Variants in CAMKMT observed in about 807,000 individuals in gnomAD.
CAMKMT encodes calmodulin-lysine N-methyltransferase.
In CAMKMT, 53 loss-of-function variants were observed where a neutral mutation model predicts 48.0. That is an observed-to-expected ratio of 1.10 (90% CI 0.89 to 1.39). The LOEUF is 1.39. Among genes scored for constraint, CAMKMT ranks in the 40% most tolerant of loss-of-function variants. CAMKMT has a pLI of 0.00. For synonymous variants in CAMKMT, 165 were observed against 152.3 expected (o/e 1.08, Z -0.61); for missense variants, 428 against 402.7 (o/e 1.06, Z -0.54).
intron 3 of CAMKMT, among the ~76,000 whole-genome samples, chr2:44,638,206 CTG>C (rs915114216): frequency 1.3e-5 from 2 of 152,094 alleles, no homozygotes; most frequent in Admixed American, 6.5e-5. Flanking sequence ...AAGGGAGAAA[CTG>C]TATCTTTGGC....
chr2:44,589,222 C>A (rs1670105368), intron 3 of CAMKMT, among the ~76,000 whole-genome samples: 1 of 45,998 alleles, frequency 2.2e-5, no homozygotes, highest in African/African-American at 8.9e-5. Flanking sequence ...AAGTGAGGAG[C>A]CCCTCTGCCT....
At chr2:44,500,798 C>G (rs1049223466) in intron 3 of CAMKMT, among the ~76,000 whole-genome samples, 2 of 151,744 alleles carry the variant, frequency 1.3e-5, no homozygotes, top group African/African-American at 4.8e-5. Context: ...TCTCCTGCCT[C>G]AGCCTCCTGA....
chr2:44,745,282 A>T (rs1446290282), intron 8 of CAMKMT, among the ~76,000 whole-genome samples: 1 of 152,204 alleles, frequency 6.6e-6, no homozygotes, highest in Non-Finnish European at 1.5e-5. Flanking sequence ...ATATCAAAAC[A>T]GCCTGGCTTT....
intron 3 of CAMKMT, among the ~76,000 whole-genome samples, chr2:44,671,077 A>G (rs1675300175): frequency 6.6e-6 from 1 of 152,208 alleles, no homozygotes; most frequent in Non-Finnish European, 1.5e-5. Context: ...GGTAGCTTTT[A>G]GAATGGCCTA....
At chr2:44,569,517 G>A (rs1248221489) in intron 3 of CAMKMT, among the ~76,000 whole-genome samples, 1 of 152,004 alleles carries the variant, frequency 6.6e-6, no homozygotes, top group Non-Finnish European at 1.5e-5. Flanking sequence ...CTTCAGTAGT[G>A]CTGTGAAATC....
chr2:44,403,026 T>C (rs994746739), intron 3 of CAMKMT, among the ~76,000 whole-genome samples: 10 of 152,026 alleles, frequency 6.6e-5, no homozygotes, highest in African/African-American at 2.4e-4. Flanking sequence ...TTTCATTACA[T>C]TTCTGATGAT....
chr2:44,368,528 C>T (rs895786400), intron 1 of CAMKMT, among the ~76,000 whole-genome samples: 3 of 152,126 alleles, frequency 2.0e-5, no homozygotes, highest in Non-Finnish European at 4.4e-5. Context: ...ATGTAGATCA[C>T]GTTGTCATAC....
At chr2:44,442,386 G>A (rs981292112) in intron 3 of CAMKMT, among the ~76,000 whole-genome samples, 4 of 151,926 alleles carry the variant, frequency 2.6e-5, no homozygotes, top group South Asian at 2.1e-4. Flanking sequence ...ATACATGTTC[G>A]TATACATATT....
intron 6 of CAMKMT, among the ~76,000 whole-genome samples, chr2:44,709,594 T>C (rs1677761987): frequency 6.6e-6 from 1 of 152,186 alleles, no homozygotes; most frequent in Non-Finnish European, 1.5e-5. Flanking sequence ...TCATCTGTTT[T>C]ACTGACTGAG....
At chr2:44,459,430 G>A (rs1419500020) in intron 3 of CAMKMT, among the ~76,000 whole-genome samples, 2 of 152,090 alleles carry the variant, frequency 1.3e-5, no homozygotes, top group Non-Finnish European at 2.9e-5. Context: ...ACCATTAAAT[G>A]TAACATTTCC....
chr2:44,669,019 G>A (rs1008960782), intron 3 of CAMKMT, among the ~76,000 whole-genome samples: 1 of 152,124 alleles, frequency 6.6e-6, no homozygotes, highest in Non-Finnish European at 1.5e-5. Flanking sequence ...CAGAGCTCAG[G>A]CAATCCACCC....
intron 6 of CAMKMT, 79 bp from the exon 7 acceptor site, chr2:44,715,208 A>G (rs1678109946): frequency 3.2e-6 from 3 of 940,512 alleles, no homozygotes; most frequent in African/African-American, 1.7e-5. Context: ...AAAAAAAAAA[A>G]AAAAGATAAC....
chr2:44,539,750 T>C (rs946323517), intron 3 of CAMKMT, among the ~76,000 whole-genome samples: 1 of 152,170 alleles, frequency 6.6e-6, no homozygotes, highest in Non-Finnish European at 1.5e-5. Context: ...GTTTGTCTTC[T>C]GTTTTCTCAT....
chr2:44,491,764 C>T (rs183955246), intron 3 of CAMKMT, among the ~76,000 whole-genome samples: 2 of 152,074 alleles, frequency 1.3e-5, no homozygotes, highest in East Asian at 1.9e-4. Context: ...ACCTATTGCA[C>T]CCCCTTAACC....
intron 3 of CAMKMT, among the ~76,000 whole-genome samples, chr2:44,438,406 A>G (rs143867417): frequency 2.1e-4 from 32 of 152,352 alleles, no homozygotes; most frequent in African/African-American, 7.5e-4. Context: ...TTTCATGGTT[A>G]TATAAAAGCT....
At chr2:44,452,229 G>A (rs1303247137) in intron 3 of CAMKMT, among the ~76,000 whole-genome samples, 8 of 151,888 alleles carry the variant, frequency 5.3e-5, no homozygotes, top group African/African-American at 1.9e-4. Context: ...ATAAAATGTG[G>A]GTGTGTATTC....
At position 44,438,726 on chromosome 2, in the gene CAMKMT, C is replaced by T. The variant is rs375004902; in HGVS notation, c.376+48421C>T. 3.9e-5 allele frequency among the ~76,000 whole-genome samples: 6 copies of T among 152,224 alleles called. No individual in the cohort carries two copies. In the East Asian group the frequency reaches 1.2e-3, roughly 29 times the overall value. ...TGTTTTGTTTTTTTTGAGATGGAGTCTCACTCTGCAGTGCAGGTTGGAGTG... is the reference window on the plus strand; with the variant it reads ...TGTTTTGTTTTTTTTGAGATGGAGTTTCACTCTGCAGTGCAGGTTGGAGTG... On this transcript the variant is annotated intron_variant, in intron 3 of 10. Transcript: ENST00000378494.
intron 7 of CAMKMT, among the ~76,000 whole-genome samples, chr2:44,742,267 T>A (rs1335051257): frequency 6.6e-6 from 1 of 152,206 alleles, no homozygotes; most frequent in Non-Finnish European, 1.5e-5. Context: ...CTCTTAGGAT[T>A]TCCTAATTTC....
At chr2:44,379,497 A>G (rs1406292341) in intron 2 of CAMKMT, among the ~76,000 whole-genome samples, 2 of 152,202 alleles carry the variant, frequency 1.3e-5, no homozygotes, top group East Asian at 1.9e-4. Context: ...ACTATTTTTC[A>G]TAGGGCTGTA....
Sources: allele counts gnomAD v4.1 joint callset (sites outside exome capture counted in the v4.1 genomes callset), GRCh38; gene constraint gnomAD v4.1.1; transcripts MANE v1.5; gene names NCBI Gene and HGNC (gene_info 2026-07-23, HGNC 2026-07-21).